MYT1L: variants seen among roughly 807,000 people sequenced by gnomAD.
MYT1L encodes myelin transcription factor 1 like, also known as myelin transcription factor 1-like protein.
In MYT1L, 12 loss-of-function variants were observed where a neutral mutation model predicts 126.7. The ratio of observed to expected loss-of-function variants is 0.09; its 90% CI spans 0.06 to 0.15. The LOEUF is 0.15. Ranked by LOEUF, MYT1L falls within the 10% of genes least tolerant of loss-of-function variation. The pLI, the probability that MYT1L is intolerant of heterozygous loss-of-function variation, is 1.00. For synonymous variants in MYT1L, 541 were observed against 604.2 expected (o/e 0.90, Z 1.53); for missense variants, 979 against 1,585.2 (o/e 0.62, Z 6.49).
intron 2 of MYT1L, among the ~76,000 whole-genome samples, chr2:2,178,971 A>G (rs1293653179): frequency 6.6e-6 from 1 of 152,198 alleles, no homozygotes; most frequent in East Asian, 1.9e-4. Context: ...ACGGGAGAAG[A>G]CGTTTCCATG....
intron 3 of MYT1L, among the ~76,000 whole-genome samples, chr2:2,073,645 C>G (rs764739975): frequency 3.9e-5 from 6 of 152,142 alleles, no homozygotes; most frequent in Non-Finnish European, 8.8e-5. Flanking sequence ...TTCTCGCCTC[C>G]GCATCCTGCC....
chr2:2,316,530 C>G (rs191445098), intron 1 of MYT1L, among the ~76,000 whole-genome samples: 1 of 152,326 alleles, frequency 6.6e-6, no homozygotes, highest in Non-Finnish European at 1.5e-5. Context: ...GCATATATCT[C>G]CCTGGCCTAC....
chr2:1,803,020 C>T (rs1190977186), intron 22 of MYT1L, among the ~76,000 whole-genome samples: 1 of 152,120 alleles, frequency 6.6e-6, no homozygotes, highest in African/African-American at 2.4e-5. Flanking sequence ...CCTGAGAGCA[C>T]CCCAAAAACC....
chr2:1,856,435 T>C (rs1326912182), intron 18 of MYT1L, among the ~76,000 whole-genome samples: 2 of 152,212 alleles, frequency 1.3e-5, no homozygotes, highest in African/African-American at 4.8e-5. Context: ...AAAAAAATCA[T>C]ATTGTTTTCC....
chr2:2,193,701 A>G (rs1479868807), intron 2 of MYT1L, among the ~76,000 whole-genome samples: 1 of 152,190 alleles, frequency 6.6e-6, no homozygotes, highest in Admixed American at 6.5e-5. Context: ...CTGCTGCCTC[A>G]TTACATAGTT....
chr2:2,231,790 T>C (rs2094169052), intron 2 of MYT1L, among the ~76,000 whole-genome samples: 1 of 152,116 alleles, frequency 6.6e-6, no homozygotes, highest in Admixed American at 6.6e-5. Flanking sequence ...CATGGAACAA[T>C]GACAACTTAA....
intron 21 of MYT1L, among the ~76,000 whole-genome samples, chr2:1,822,595 C>A (rs2038706234): frequency 6.6e-6 from 1 of 152,334 alleles, no homozygotes; most frequent in Admixed American, 6.5e-5. Context: ...TGGCCTACAG[C>A]CTGTGTCCTT....
intron 3 of MYT1L, among the ~76,000 whole-genome samples, chr2:2,060,512 G>A (rs1199836129): frequency 6.6e-6 from 1 of 152,110 alleles, no homozygotes; most frequent in Non-Finnish European, 1.5e-5. Flanking sequence ...TATATATTAA[G>A]AGACAGACTG....
chr2:2,170,067 G>A (rs72769206), intron 3 of MYT1L, among the ~76,000 whole-genome samples: 6,720 of 152,272 alleles, frequency 0.044, 225 homozygotes, highest in Non-Finnish European at 0.068. Flanking sequence ...AGACTTTGTG[G>A]AAGCTTCTGC....
intron 2 of MYT1L, among the ~76,000 whole-genome samples, chr2:2,255,592 G>A (rs1018139464): frequency 6.6e-6 from 1 of 152,116 alleles, no homozygotes; most frequent in Non-Finnish European, 1.5e-5. Context: ...CAAAATATTT[G>A]AATAATTTTC....
intron 4 of MYT1L, among the ~76,000 whole-genome samples, chr2:2,024,039 G>C (rs1319724038): frequency 2.6e-5 from 4 of 152,078 alleles, no homozygotes; most frequent in Admixed American, 6.5e-5. Flanking sequence ...ATTTTACGTT[G>C]ATTTTTAAAA....
Position 1,937,493 on chromosome 2 carries a change from G to A in MYT1L, c.505+5489C>T, listed in dbSNP as rs565985782. 7.9e-5 allele frequency among the ~76,000 whole-genome samples: 12 copies of A among 151,420 alleles called. No individual in the cohort carries two copies. In the East Asian group the frequency reaches 1.6e-3, roughly 20 times the overall value. ...GATCGTACGTCGAGAAGGCCCTAAC[G>A]TCCGCGGCCATCAGATTGCACATCG... is the stretch of plus-strand genomic sequence containing the variant. On this transcript the variant is annotated intron_variant, in intron 9 of 24. Transcript: ENST00000647738.
At chr2:2,214,061 G>T (rs1399372671) in intron 2 of MYT1L, among the ~76,000 whole-genome samples, 1 of 151,676 alleles carries the variant, frequency 6.6e-6, no homozygotes, top group Admixed American at 6.6e-5. Flanking sequence ...CACTGTACAT[G>T]ATTAATGACA....
At chr2:2,280,557 T>C (rs1379108314) in intron 2 of MYT1L, among the ~76,000 whole-genome samples, 1 of 152,226 alleles carries the variant, frequency 6.6e-6, no homozygotes, top group African/African-American at 2.4e-5. Flanking sequence ...CATAACGCTC[T>C]GCCTCAGGTC....
intron 9 of MYT1L, among the ~76,000 whole-genome samples, chr2:1,926,136 ACGG>A (rs1267945532): frequency 1.3e-5 from 2 of 152,236 alleles, no homozygotes; most frequent in East Asian, 3.9e-4. Flanking sequence ...AAATGTGGGG[ACGG>A]CGGGTGAAGA....
At chr2:2,209,608 C>T (rs1194095043) in intron 2 of MYT1L, among the ~76,000 whole-genome samples, 1 of 152,118 alleles carries the variant, frequency 6.6e-6, no homozygotes, top group East Asian at 1.9e-4. Context: ...AATAGTACTC[C>T]ATTGTGTGCA....
At chr2:1,869,940 A>G (rs1395603057) in intron 18 of MYT1L, among the ~76,000 whole-genome samples, 1 of 152,178 alleles carries the variant, frequency 6.6e-6, no homozygotes, top group Non-Finnish European at 1.5e-5. Context: ...AGTGCTTTAA[A>G]TTCAAACGAC....
At chr2:2,175,780 C>G (rs1161796257) in intron 2 of MYT1L, among the ~76,000 whole-genome samples, 1 of 152,204 alleles carries the variant, frequency 6.6e-6, no homozygotes, top group Non-Finnish European at 1.5e-5. Flanking sequence ...CTGGAGAGGA[C>G]AGCACATCAC....
chr2:1,910,176 AGCGCTCC>A lies in MYT1L; in HGVS notation c.1817+57_1817+63del. On this transcript the variant is annotated intron_variant, in intron 13 of 24. Coordinates refer to ENST00000647738, the MANE Select transcript of MYT1L (RefSeq NM_001303052.2). The surrounding 1 kb of genome is among the most constrained non-coding windows in gnomAD (Gnocchi z 4.8). Reference sequence around the variant, plus strand: ...GGACATGCCCTGAGCGGGTGTCCCCAGCGCTCCGAGGTGTGGGGCAGACTATGGATAG... The same window carrying A: ...GGACATGCCCTGAGCGGGTGTCCCCAGAGGTGTGGGGCAGACTATGGATAG... The A allele has an allele frequency of 9.0e-6, 13 of 1,450,212 alleles. No homozygotes were observed. Among genetic ancestry groups the A allele is most frequent in the Non-Finnish European group, 1.2e-5 (13 of 1,044,360 alleles). 89.8% of individuals were successfully genotyped at this position (1,450,212 alleles called of 1,614,324 possible).
Sources: gnomAD v4.1 joint callset for allele counts (sites outside exome capture counted in the v4.1 genomes callset) on GRCh38, gnomAD v4.1.1 for gene constraint, Gnocchi (gnomAD v3.1) non-coding constraint, MANE v1.5 for transcripts, NCBI Gene and HGNC (gene_info 2026-07-23, HGNC 2026-07-21) for gene names.